The following WDFY1 variants were observed in gnomAD, a reference collection of about 807,000 sequenced individuals.
WDFY1 encodes the protein WD repeat and FYVE domain containing 1, also known as WD repeat and FYVE domain-containing protein 1.
Under a neutral mutation model 56.4 loss-of-function variants are expected in WDFY1, and 32 were observed. That is an observed-to-expected ratio of 0.57 (90% CI 0.43 to 0.76). The LOEUF is 0.76. Among genes scored for constraint, WDFY1 ranks in the 30% least tolerant of loss-of-function variants. The probability of loss-of-function intolerance (pLI) is 0.00; values close to 1 mark genes in which losing one functional copy is unlikely to be tolerated. For synonymous variants in WDFY1, 192 were observed against 197.3 expected (o/e 0.97, Z 0.23); for missense variants, 480 against 545.7 (o/e 0.88, Z 1.20).
intron 7 of WDFY1, 123 bp from the exon 8 acceptor site, chr2:223,894,462 T>C: frequency 1.2e-6 from 1 of 868,442 alleles, no homozygotes; most frequent in South Asian, 1.6e-5. Flanking sequence ...ACTGACTATT[T>C]AGCATGGTAA....
At chr2:223,902,906 G>T (rs1163007879) in intron 4 of WDFY1, among the ~76,000 whole-genome samples, 1 of 151,958 alleles carries the variant, frequency 6.6e-6, no homozygotes, top group Non-Finnish European at 1.5e-5. Context: ...ACAGTCATAG[G>T]GTTTAAACTA....
At chr2:223,905,139 A>G (rs1693574896) in intron 4 of WDFY1, among the ~76,000 whole-genome samples, 1 of 152,258 alleles carries the variant, frequency 6.6e-6, no homozygotes, top group Non-Finnish European at 1.5e-5. Context: ...GGAAAAAGAA[A>G]TTATGAGGCA....
intron 8 of WDFY1, among the ~76,000 whole-genome samples, chr2:223,887,304 GC>G (rs1693189178): frequency 1.3e-5 from 2 of 152,136 alleles, no homozygotes; most frequent in Admixed American, 6.5e-5. Context: ...TCTGGGACAT[GC>G]CCAAGCGTAA....
chr2:223,912,752 T>C (rs1693726466), intron 2 of WDFY1, among the ~76,000 whole-genome samples: 1 of 152,182 alleles, frequency 6.6e-6, no homozygotes, highest in African/African-American at 2.4e-5. Context: ...TCCCATTCTA[T>C]GGCATAAGTG....
At chr2:223,938,895 C>A (rs1327192852) in intron 1 of WDFY1, among the ~76,000 whole-genome samples, 1 of 142,606 alleles carries the variant, frequency 7.0e-6, no homozygotes, top group Non-Finnish European at 1.5e-5. Context: ...TGGTCTGTCA[C>A]CCAGGCTGGA....
At chr2:223,897,373 T>C (rs1383887584) in intron 6 of WDFY1, among the ~76,000 whole-genome samples, 1 of 37,808 alleles carries the variant, frequency 2.6e-5, no homozygotes, top group African/African-American at 7.7e-5. Context: ...TATATATATA[T>C]ATATATATAT....
rs114088133 is a variant in WDFY1 at position 223,905,597 on chromosome 2, C to T, written c.334+350G>A. On this transcript the variant is annotated intron_variant, in intron 4 of 11. Transcript: ENST00000233055. ...CACGTGTATATACTTATTCAATACA[C>T]ACACACAATGTGTATACACATATCA... 9.0e-3 allele frequency among the ~76,000 whole-genome samples: 1,371 copies of T among 151,782 alleles called. 34 individuals are homozygous for T. Among genetic ancestry groups the T allele is most frequent in the African/African-American group, 0.031 (1,294 of 41,118 alleles).
At chr2:223,940,137 G>A (rs1037512679) in intron 1 of WDFY1, among the ~76,000 whole-genome samples, 2 of 152,148 alleles carry the variant, frequency 1.3e-5, no homozygotes, top group Admixed American at 6.5e-5. Flanking sequence ...TGGCCAAGAC[G>A]GTGAAACCCT....
intron 8 of WDFY1, among the ~76,000 whole-genome samples, chr2:223,889,339 G>A (rs1006949655): frequency 1.3e-5 from 2 of 152,150 alleles, no homozygotes; most frequent in East Asian, 3.8e-4. Flanking sequence ...CCTCAGGCAC[G>A]TGACTCAACT....
intron 6 of WDFY1, among the ~76,000 whole-genome samples, chr2:223,897,380 A>AT (rs1192018583): frequency 0.19 from 15,682 of 84,556 alleles, 1,727 homozygotes; most frequent in Non-Finnish European, 0.2. Flanking sequence ...ATATATATAT[A>AT]TATATATATA....
At chr2:223,901,904 T>C (rs1693513787) in intron 4 of WDFY1, among the ~76,000 whole-genome samples, 1 of 152,238 alleles carries the variant, frequency 6.6e-6, no homozygotes, top group Non-Finnish European at 1.5e-5. Flanking sequence ...TTTTGTAAAG[T>C]TCTCTGTTCC....
intron 8 of WDFY1, among the ~76,000 whole-genome samples, chr2:223,893,557 T>G (rs1261644594): frequency 6.6e-6 from 1 of 151,574 alleles, no homozygotes; most frequent in African/African-American, 2.4e-5. Context: ...AGAGAGATTG[T>G]TTAGACAATT....
rs578164128 is a variant in WDFY1 at position 223,875,858 on chromosome 2, A to G, written c.*2813T>C. 1.6e-4 allele frequency: 24 copies of G among 152,294 alleles called. No homozygotes were observed. The South Asian group carries it at 3.3e-3, about 21-fold the overall frequency. The allele number at this position is 152,294 out of a possible 1,614,324, so 9.4% of individuals were successfully genotyped here. ...TTTAACGAAAACTGATTTTAGAAAA[A>G]TATCTCCTTGGGTCTGAGCTACTAT... On this transcript the variant is annotated 3_prime_UTR_variant, in exon 12 of 12. Transcript: ENST00000233055.
intron 3 of WDFY1, among the ~76,000 whole-genome samples, chr2:223,910,678 G>A (rs928775409): frequency 3.9e-5 from 6 of 152,008 alleles, no homozygotes; most frequent in African/African-American, 1.2e-4. Flanking sequence ...TTAGGAAAAC[G>A]CGAATCAAAA....
At chr2:223,918,752 G>A (rs940418727) in intron 1 of WDFY1, among the ~76,000 whole-genome samples, 4 of 152,268 alleles carry the variant, frequency 2.6e-5, no homozygotes, top group South Asian at 2.1e-4. Context: ...CGTCTGGGCC[G>A]AGAGGAAGGC....
intron 6 of WDFY1, among the ~76,000 whole-genome samples, chr2:223,896,585 T>C (rs1025554479): frequency 6.6e-6 from 1 of 152,232 alleles, no homozygotes. Context: ...CAGTAGGTCC[T>C]TTCCTTGTTC....
intron 6 of WDFY1, among the ~76,000 whole-genome samples, chr2:223,898,590 GA>G (rs1297992468): frequency 6.6e-6 from 1 of 152,064 alleles, no homozygotes; most frequent in Non-Finnish European, 1.5e-5. Flanking sequence ...ATTCTTAGTA[GA>G]GAGGCAGTTT....
At position 223,878,872 on chromosome 2, in the gene WDFY1, C is replaced by G. The variant is rs540029136; in HGVS notation, c.1174-142G>C. Reference sequence around the variant, plus strand: ...TTCTCATTCTCCTCTTTCATAACACCTCCTTAAGATTTATAGAAAGAGGCC... The same window carrying G: ...TTCTCATTCTCCTCTTTCATAACACGTCCTTAAGATTTATAGAAAGAGGCC... On this transcript the variant is annotated intron_variant, in intron 11 of 11. Coordinates refer to ENST00000233055, the MANE Select transcript of WDFY1 (RefSeq NM_020830.5). 1.6e-5 allele frequency: 18 copies of G among 1,122,636 alleles called. No homozygotes were observed. In the African/African-American group the frequency reaches 2.8e-4, roughly 18 times the overall value. 69.5% of individuals were successfully genotyped at this position (1,122,636 alleles called of 1,614,324 possible).
At chr2:223,913,993 CTTTT>C (rs386392770) in intron 2 of WDFY1, among the ~76,000 whole-genome samples, 5 of 88,140 alleles carry the variant, frequency 5.7e-5, no homozygotes, top group African/African-American at 2.3e-4. Flanking sequence ...AATCAGTTAG[CTTTT>C]TTTTTTTTTT....
Sources: gnomAD v4.1 joint callset for allele counts (sites outside exome capture counted in the v4.1 genomes callset) on GRCh38, gnomAD v4.1.1 for gene constraint, MANE v1.5 for transcripts, NCBI Gene and HGNC (gene_info 2026-07-23, HGNC 2026-07-21) for gene names.